PIK3CD: variants seen among roughly 807,000 people sequenced by gnomAD.
The protein encoded by PIK3CD is phosphatidylinositol-4,5-bisphosphate 3-kinase catalytic subunit delta, also known as phosphatidylinositol 4,5-bisphosphate 3-kinase catalytic subunit delta isoform.
Under a neutral mutation model 122.9 loss-of-function variants are expected in PIK3CD, and 20 were observed. That is an observed-to-expected ratio of 0.16 (90% CI 0.11 to 0.24). The LOEUF (loss-of-function observed/expected upper bound fraction) is 0.24. Among genes scored for constraint, PIK3CD ranks in the 10% least tolerant of loss-of-function variants. The probability of loss-of-function intolerance (pLI) is 1.00; values close to 1 mark genes in which losing one functional copy is unlikely to be tolerated. For missense variants in PIK3CD, 787 were observed against 1,406.3 expected (o/e 0.56, Z 7.04); for synonymous variants, 596 against 593.4 (o/e 1.00, Z -0.06).
the PIK3CD span, among the ~76,000 whole-genome samples, chr1:9,640,433 A>C: frequency 6.6e-6 from 1 of 152,044 alleles, no homozygotes; most frequent in African/African-American, 2.4e-5. Context: ...TACAAAAATT[A>C]GCTAGGCGTG....
rs1406071172 is a variant in PIK3CD, at chr1:9,716,536, G to A, written c.697G>A (p.Val233Met). Residue 233 changes from valine (V) to methionine (M), a missense_variant, in exon 6 of 24, where the codon GTG becomes ATG. Val to Met is a conservative substitution (Grantham distance 21, BLOSUM62 1). Transcript: ENST00000377346. Reference protein sequence around the residue: ...KKATVFRQPLVEQPEDYTLQV... With the variant: ...KKATVFRQPLMEQPEDYTLQV... ...GGCCACAGTGTTCCGGCAGCCGCTG[G>A]TGGAGCAGCCGGAAGACTACACGCT... is the stretch of plus-strand genomic sequence containing the variant. The A allele has an allele frequency of 6.2e-7, 1 of 1,609,508 alleles. No individual in the cohort carries two copies. The highest frequency in any genetic ancestry group is 1.7e-5 in the Admixed American group (1 of 59,812).
At chr1:9,696,450 A>T in intron 2 of PIK3CD, among the ~76,000 whole-genome samples, 1 of 151,292 alleles carries the variant, frequency 6.6e-6, no homozygotes, top group Admixed American at 6.6e-5. Flanking sequence ...AAAATTTAAA[A>T]ATATTAAAAG....
rs537395971 is a variant in PIK3CD at position 9,720,993 on chromosome 1, C to T, written c.1689+84C>T. 1,789 of 1,471,386 alleles carry T rather than the reference C, an allele frequency of 1.2e-3. 3 individuals carry two copies. The highest frequency in any genetic ancestry group is 1.8e-3 in the Admixed American group (91 of 50,918). The allele number at this position is 1,471,386 out of a possible 1,614,324, so 91.1% of individuals were successfully genotyped here. A position where few individuals can be genotyped will look rare whatever the true frequency, so the allele number is the denominator to read the frequency against. ...CCACCACCCTGACCCCGGCCAACCC[C>T]CACCCTCACCCTGGCCAACCTTCAC... On this transcript the variant is annotated intron_variant, in intron 13 of 23. Coordinates refer to ENST00000377346, the MANE Select transcript of PIK3CD (RefSeq NM_005026.5). This position sits in a 1 kb window ranked among gnomAD's most constrained non-coding sequence, Gnocchi z 9.0.
chr1:9,663,404 G>A (rs756983362), intron 1 of PIK3CD, among the ~76,000 whole-genome samples: 1 of 152,056 alleles, frequency 6.6e-6, no homozygotes, highest in African/African-American at 2.4e-5. Flanking sequence ...TCTCTGCACC[G>A]CTGTGGGGCC....
Position 9,726,825 on chromosome 1 carries a change from G to A in PIK3CD, c.2998-84G>A, listed in dbSNP as rs541419001. On this transcript the variant is annotated intron_variant, in intron 23 of 23. Coordinates refer to ENST00000377346, the MANE Select transcript of PIK3CD (RefSeq NM_005026.5). ...CTCTCTACTAACCATTTCATTCAGT[G>A]ACTCTGAAGTCCCCAGAGAGGGACG... 42 of 1,541,922 alleles carry A rather than the reference G, an allele frequency of 2.7e-5. 1 individual carries two copies. The African/African-American group carries it at 4.8e-4, about 17-fold the overall frequency.
At chr1:9,637,445 G>A in the PIK3CD span, among the ~76,000 whole-genome samples, 1 of 152,168 alleles carries the variant, frequency 6.6e-6, no homozygotes, top group Non-Finnish European at 1.5e-5. Flanking sequence ...GAGCCCGGGA[G>A]ATCGAGGCTG....
At position 9,716,941 on chromosome 1, in the gene PIK3CD, C is replaced by T. The variant is rs757379222; in HGVS notation, c.781-18C>T. 6 of 1,613,658 alleles carry T rather than the reference C, an allele frequency of 3.7e-6. No individual in the cohort carries two copies. Among genetic ancestry groups the T allele is most frequent in the South Asian group, 1.1e-5 (1 of 91,084 alleles). On this transcript the variant is annotated intron_variant, in intron 6 of 23. Transcript: ENST00000377346. ...TTGGGGCCGCCCCACCAGCCGCTCA[C>T]CCTGCACCCCGTCTCAGTACATCTG...
rs536302735 is a variant in PIK3CD, at chr1:9,721,764, C to T, written c.1959C>T (p.Ser653=). The part of the protein sequence containing the change: ...IGHFLFWHLR[S]EMHVPSVALR... The stretch of plus-strand genomic sequence containing the variant: ...CAGCCCTCCCTTCACCTTCCAGCTC[C>T]GAGATGCACGTGCCGTCGGTGGCCC... Residue 653 remains serine, a synonymous_variant, in exon 16 of 24, where the codon TCC becomes TCT. Coordinates refer to ENST00000377346, the MANE Select transcript of PIK3CD (RefSeq NM_005026.5). 81 of 1,613,170 alleles carry T rather than the reference C, an allele frequency of 5.0e-5. No homozygotes were observed. The highest frequency in any genetic ancestry group is 9.3e-5 in the African/African-American group (7 of 75,046).
chr1:9,703,606 C>T (rs1232351205), intron 2 of PIK3CD, among the ~76,000 whole-genome samples: 1 of 152,190 alleles, frequency 6.6e-6, no homozygotes, highest in Non-Finnish European at 1.5e-5. Context: ...GAATCATGAA[C>T]ACATATTTTT....
chr1:9,675,842 T>C (rs1263425263), intron 1 of PIK3CD, among the ~76,000 whole-genome samples: 1 of 152,118 alleles, frequency 6.6e-6, no homozygotes, highest in Non-Finnish European at 1.5e-5. Flanking sequence ...CATAGTTTAC[T>C]GCAACCTCAA....
rs2100950279 is a variant in PIK3CD, at chr1:9,720,651, C to T, written c.1511C>T (p.Thr504Ile). 1 of 1,470,236 alleles carries T rather than the reference C, an allele frequency of 6.8e-7. No individual in the cohort carries two copies. The highest frequency in any genetic ancestry group is 9.1e-7 in the Non-Finnish European group (1 of 1,101,182). 91.1% of individuals were successfully genotyped at this position (1,470,236 alleles called of 1,614,324 possible). ...CGACACAGCGAGTGTGTGCATGTCA[C>T]CGAGGAGGAGGTGAGTGGGGTGGGG... ...LGRHSECVHV[T>I]EEEQLQLREI... The change falls in exon 12 of 24, where the codon ACC (threonine) becomes ATC (isoleucine). Residue 504 changes from threonine to isoleucine, a missense_variant. This residue lies in a region of PIK3CD where 592 missense variants were observed against 920.6 expected (regional missense o/e 0.64). Transcript: ENST00000377346. This position sits in a 1 kb window ranked among gnomAD's most constrained non-coding sequence, Gnocchi z 9.0.
chr1:9,719,554 G>C lies in PIK3CD; in HGVS notation c.1243-367G>C, dbSNP rs2100925072. Among the ~76,000 whole-genome samples the C allele has an allele frequency of 6.6e-6, 1 of 152,246 alleles. No homozygotes were observed. The highest frequency in any genetic ancestry group is 2.4e-5 in the African/African-American group (1 of 41,560). On this transcript the variant is annotated intron_variant, in intron 9 of 23. Coordinates refer to ENST00000377346, the MANE Select transcript of PIK3CD (RefSeq NM_005026.5). The surrounding 1 kb of genome is among the most constrained non-coding windows in gnomAD (Gnocchi z 5.5). ...CACATGCCTGTAATCTCAGCTACTT[G>C]GGAGGCTGAGGCAGGATAATTGCTT...
At chr1:9,716,660 C>T (rs1274995232) in intron 6 of PIK3CD, 41 bp downstream of exon 6, 2 of 1,537,044 alleles carry the variant, frequency 1.3e-6, no homozygotes, top group South Asian at 1.2e-5. Context: ...GCTCCCAACG[C>T]CCTGGATAGG....
chr1:9,665,011 T>C (rs987015667), intron 1 of PIK3CD, among the ~76,000 whole-genome samples: 8 of 151,930 alleles, frequency 5.3e-5, no homozygotes, highest in African/African-American at 1.9e-4. Context: ...GAGACCAGCC[T>C]AGGCAACGTA....
intron 1 of PIK3CD, among the ~76,000 whole-genome samples, chr1:9,657,973 C>T (rs910440580): frequency 1.1e-4 from 16 of 152,136 alleles, no homozygotes; most frequent in East Asian, 1.9e-4. Flanking sequence ...GCTGGGCCCC[C>T]CCCTTGCATC....
intron 2 of PIK3CD, among the ~76,000 whole-genome samples, chr1:9,695,647 G>T (rs556293517): frequency 2.0e-4 from 31 of 152,106 alleles, no homozygotes; most frequent in Non-Finnish European, 3.5e-4. Flanking sequence ...TTCAAGACCA[G>T]CCTGGCCAAC....
rs753764771 is a variant in PIK3CD, at chr1:9,683,055, T to TG, written c.-137-8406dup. On this transcript the variant is annotated intron_variant, in intron 1 of 23. Transcript: ENST00000377346. The stretch of plus-strand genomic sequence containing the variant: ...CCTGGACCTTTTTTTTTTTTTTTTT[T>TG]GGGGGGCTGGGTCTCGCTAAGATGG... Among the ~76,000 whole-genome samples the TG allele has an allele frequency of 7.2e-5, 10 of 138,382 alleles. 1 individual carries two copies. The highest frequency in any genetic ancestry group is 2.6e-4 in the African/African-American group (9 of 35,204). 90.8% of individuals were successfully genotyped at this position (138,382 alleles called of 152,430 possible).
rs765843708 is a variant in PIK3CD, at chr1:9,685,298, TTTTG to T, written c.-137-6153_-137-6150del. Reference sequence around the variant, plus strand: ...TTAAAAGCAAACATGTAACTGGTTTTTTTGTTTGTTTGTTTGTTTTTGGTTGTTG... The same window carrying T: ...TTAAAAGCAAACATGTAACTGGTTTTTTTGTTTGTTTGTTTTTGGTTGTTG... On this transcript the variant is annotated intron_variant, in intron 1 of 23. Coordinates refer to ENST00000377346, the MANE Select transcript of PIK3CD (RefSeq NM_005026.5). Among the ~76,000 whole-genome samples the T allele has an allele frequency of 1.3e-3, 194 of 152,268 alleles. 2 individuals carry two copies. Among genetic ancestry groups the T allele is most frequent in the South Asian group, 4.8e-3 (23 of 4,824 alleles).
In PIK3CD at chr1:9,690,204, T is replaced by TG. The variant is rs981602040; in HGVS notation, c.-137-1261dup. Among the ~76,000 whole-genome samples, 5 of 152,152 alleles carry TG rather than the reference T, an allele frequency of 3.3e-5. No homozygotes were observed. The East Asian group carries it at 9.7e-4, about 30-fold the overall frequency. On this transcript the variant is annotated intron_variant, in intron 1 of 23. Transcript: ENST00000377346. ...CCTTGAGCCCAAGGGGGCTAGAGGG[T>TG]GGCAGACCCAGATCCTGAGGTCCTG...
Sources: allele counts gnomAD v4.1 joint callset (sites outside exome capture counted in the v4.1 genomes callset), GRCh38; gene constraint gnomAD v4.1.1; regional missense constraint gnomAD v4.1.1; non-coding constraint Gnocchi (gnomAD v3.1); transcripts MANE v1.5; gene names NCBI Gene and HGNC (gene_info 2026-07-23, HGNC 2026-07-21).